RANBP17: variants seen among roughly 807,000 people sequenced by gnomAD.
RANBP17 encodes ran-binding protein 17.
A neutral mutation model predicts 141.2 loss-of-function variants in RANBP17; 158 were observed. The observed-to-expected ratio is 1.12, with a 90% CI of 0.98 to 1.28. RANBP17 has a LOEUF of 1.28. Ranked by LOEUF, RANBP17 falls within the 50% of genes most tolerant of loss-of-function variation. The pLI is 0.00. For missense variants in RANBP17, 1,438 were observed against 1,290.7 expected (o/e 1.11, Z -1.75); for synonymous variants, 430 against 450.0 (o/e 0.96, Z 0.56).
chr5:171,191,454 C>T (rs948579624), intron 18 of RANBP17, among the ~76,000 whole-genome samples: 2 of 151,976 alleles, frequency 1.3e-5, no homozygotes, highest in East Asian at 1.9e-4. Context: ...TTTGGGAGGC[C>T]GAGGCAGGCG....
intron 22 of RANBP17, among the ~76,000 whole-genome samples, chr5:171,231,953 A>G (rs1764232566): frequency 6.6e-6 from 1 of 152,180 alleles, no homozygotes; most frequent in Non-Finnish European, 1.5e-5. Flanking sequence ...GCTTGAAATA[A>G]CATAGAAGGA....
chr5:171,021,821 A>G (rs908537728), intron 14 of RANBP17, among the ~76,000 whole-genome samples: 6 of 152,080 alleles, frequency 3.9e-5, no homozygotes, highest in Non-Finnish European at 7.4e-5. Flanking sequence ...TGCTGGTGAG[A>G]TGTTGCGATA....
chr5:171,002,352 T>C (rs1779272454), intron 14 of RANBP17, among the ~76,000 whole-genome samples: 1 of 152,132 alleles, frequency 6.6e-6, no homozygotes, highest in East Asian at 1.9e-4. Flanking sequence ...GAATGCTAGC[T>C]GCTTCTTTAG....
In RANBP17 at chr5:171,199,684, G is replaced by T. The variant is rs1373336683; in HGVS notation, c.2053G>T (p.Glu685Ter). ...TTCTCTGATAGGTGAAGATGAGGAT[G>T]AATTTGAGAATTTCATGCTGCCTCT... ...LMVDLGEDED[E>*]FENFMLPLTV... The change falls in exon 19 of 28, where the codon GAA becomes TAA. Residue 685 changes from glutamate to a stop codon, truncating the protein, a stop_gained. Coordinates refer to ENST00000523189, the MANE Select transcript of RANBP17 (RefSeq NM_022897.5). LOFTEE classifies it high-confidence loss of function. The T allele has an allele frequency of 6.2e-7, 1 of 1,608,012 alleles. No individual in the cohort carries two copies. Among genetic ancestry groups the T allele is most frequent in the East Asian group, 2.2e-5 (1 of 44,786 alleles).
At chr5:171,257,539 A>G (rs575402546) in intron 24 of RANBP17, among the ~76,000 whole-genome samples, 1 of 152,354 alleles carries the variant, frequency 6.6e-6, no homozygotes, top group South Asian at 2.1e-4. Flanking sequence ...TATTCTACAC[A>G]GTACGAAAAG....
At chr5:170,971,019 G>T (rs1371897976) in intron 14 of RANBP17, among the ~76,000 whole-genome samples, 2 of 151,974 alleles carry the variant, frequency 1.3e-5, no homozygotes, top group African/African-American at 4.8e-5. Context: ...ATAGGAATTC[G>T]GCCTAGATCT....
intron 13 of RANBP17, among the ~76,000 whole-genome samples, chr5:170,966,450 T>G (rs1342778532): frequency 6.6e-6 from 1 of 152,208 alleles, no homozygotes; most frequent in Non-Finnish European, 1.5e-5. Context: ...AACCACATGA[T>G]TATCTCAATA....
intron 5 of RANBP17, among the ~76,000 whole-genome samples, chr5:170,898,308 T>G (rs4301238): frequency 6.6e-6 from 1 of 151,606 alleles, no homozygotes; most frequent in Non-Finnish European, 1.5e-5. Context: ...TTCATACGGT[T>G]GTTGGCCACA....
intron 22 of RANBP17, among the ~76,000 whole-genome samples, chr5:171,233,378 G>C (rs748533439): frequency 6.6e-6 from 1 of 152,116 alleles, no homozygotes; most frequent in Non-Finnish European, 1.5e-5. Context: ...GTCATTGTAC[G>C]ATCCAGTAAT....
intron 14 of RANBP17, among the ~76,000 whole-genome samples, chr5:171,063,232 CGCTCT>C (rs1385512880): frequency 1.3e-5 from 2 of 152,046 alleles, no homozygotes; most frequent in Non-Finnish European, 2.9e-5. Flanking sequence ...GGAGGAGAGG[CGCTCT>C]GCTTTTTAGA....
At chr5:171,278,692 A>G (rs1323392540) in intron 25 of RANBP17, among the ~76,000 whole-genome samples, 1 of 152,156 alleles carries the variant, frequency 6.6e-6, no homozygotes, top group Non-Finnish European at 1.5e-5. Context: ...AGAAAGAAAA[A>G]GACTGAGAAA....
At chr5:171,198,786 T>A (rs1762129058) in intron 18 of RANBP17, among the ~76,000 whole-genome samples, 1 of 152,226 alleles carries the variant, frequency 6.6e-6, no homozygotes, top group South Asian at 2.1e-4. Context: ...AACCATGTCG[T>A]TCCACCTCCA....
chr5:171,270,542 A>G (rs933384295), intron 25 of RANBP17, among the ~76,000 whole-genome samples: 12 of 152,192 alleles, frequency 7.9e-5, no homozygotes, highest in African/African-American at 2.9e-4. Context: ...CTGCTACAAT[A>G]ATTCGGAAGA....
intron 14 of RANBP17, among the ~76,000 whole-genome samples, chr5:171,101,454 A>G (rs914884494): frequency 1.3e-5 from 2 of 152,030 alleles, no homozygotes; most frequent in Non-Finnish European, 2.9e-5. Flanking sequence ...TTGCTTGGTA[A>G]AGCTTCTCCC....
intron 20 of RANBP17, among the ~76,000 whole-genome samples, chr5:171,211,636 T>G (rs929054136): frequency 4.6e-5 from 7 of 150,892 alleles, no homozygotes; most frequent in South Asian, 2.1e-4. Context: ...GGGTTTTTTT[T>G]TTTTTTTTTT....
intron 5 of RANBP17, chr5:170,897,009 G>A: frequency 9.0e-7 from 1 of 1,112,058 alleles, no homozygotes; most frequent in South Asian, 1.3e-5. Flanking sequence ...CACTAAGGGA[G>A]CACGCCGCGG....
intron 13 of RANBP17, among the ~76,000 whole-genome samples, chr5:170,958,021 A>G (rs992800601): frequency 3.3e-5 from 5 of 152,202 alleles, no homozygotes; most frequent in African/African-American, 1.2e-4. Flanking sequence ...GAATAATGAG[A>G]ACCAACTATG....
At chr5:171,081,274 T>C (rs1581583209) in intron 14 of RANBP17, among the ~76,000 whole-genome samples, 1 of 152,296 alleles carries the variant, frequency 6.6e-6, no homozygotes, top group East Asian at 1.9e-4. Flanking sequence ...ATATAAGTGA[T>C]GGCCTTCACA....
In RANBP17 at chr5:171,047,225, C is replaced by T. The variant is rs148587638; in HGVS notation, c.1710+78848C>T. On this transcript the variant is annotated intron_variant, in intron 14 of 27. Coordinates refer to ENST00000523189, the MANE Select transcript of RANBP17 (RefSeq NM_022897.5). ...TAAAGATGGGGTTTCACCATGTTGG[C>T]CAGACTGGTCTTGAACTCCTGACCT... is the stretch of plus-strand genomic sequence containing the variant. 3.6e-3 allele frequency among the ~76,000 whole-genome samples: 548 copies of T among 151,680 alleles called. 2 individuals carry two copies. The highest frequency in any genetic ancestry group is 0.011 in the African/African-American group (448 of 41,398).
Sources: gnomAD v4.1 joint callset for allele counts (sites outside exome capture counted in the v4.1 genomes callset) on GRCh38, gnomAD v4.1.1 for gene constraint, MANE v1.5 for transcripts, NCBI Gene and HGNC (gene_info 2026-07-23, HGNC 2026-07-21) for gene names.